SH3GLB2: variants seen among roughly 807,000 people sequenced by gnomAD.
The protein encoded by SH3GLB2 is SH3 domain containing GRB2 like, endophilin B2, also known as endophilin-B2.
A neutral mutation model predicts 48.0 loss-of-function variants in SH3GLB2; 24 were observed. That is an observed-to-expected ratio of 0.50 (90% CI 0.36 to 0.70). The LOEUF (loss-of-function observed/expected upper bound fraction) is 0.70. Among genes scored for constraint, SH3GLB2 ranks in the 30% least tolerant of loss-of-function variants. The pLI is 0.00. For missense variants in SH3GLB2, 425 were observed against 516.0 expected, an observed-to-expected ratio of 0.82 and a Z score of 1.71; for synonymous variants, 227 against 207.6, an observed-to-expected ratio of 1.09 and a Z score of -0.80.
Position 129,014,749 on chromosome 9 carries a change from G to A in SH3GLB2, c.468+22C>T, listed in dbSNP as rs17508188. On this transcript the variant is annotated intron_variant, in intron 4 of 10. Coordinates refer to ENST00000372564, the MANE Select transcript of SH3GLB2 (RefSeq NM_020145.4). This position sits in a 1 kb window ranked among gnomAD's most constrained non-coding sequence, Gnocchi z 4.1. Reference sequence around the variant, plus strand: ...GGAACTGCCATGGTTACCAGGAAGCGGAATAGTCCCAGGGCCCTCACCGAG... The same window carrying A: ...GGAACTGCCATGGTTACCAGGAAGCAGAATAGTCCCAGGGCCCTCACCGAG... 9,726 of 1,605,208 alleles carry A rather than the reference G, an allele frequency of 6.1e-3. 471 individuals carry two copies. In the African/African-American group the frequency reaches 0.11, roughly 18 times the overall value.
chr9:129,028,140 C>T lies in SH3GLB2; in HGVS notation c.15G>A (p.Met5Ile). The change falls in exon 1 of 11, where the codon ATG (methionine) becomes ATA (isoleucine). Residue 5 changes from methionine (M) to isoleucine (I), a missense_variant. Coordinates refer to ENST00000372564, the MANE Select transcript of SH3GLB2 (RefSeq NM_020145.4). MDFNMKKLASDAGIF... is the reference protein window; with the variant it reads MDFNIKKLASDAGIF... ...TGCCCGCGTCCGACGCCAGCTTCTT[C>T]ATGTTGAAGTCCATGGCGTGCCCGC... The T allele has an allele frequency of 6.7e-7, 1 of 1,494,052 alleles. No individual in the cohort carries two copies. Among genetic ancestry groups the T allele is most frequent in the Non-Finnish European group, 8.9e-7 (1 of 1,124,218 alleles). 92.5% of individuals were successfully genotyped at this position (1,494,052 alleles called of 1,614,324 possible).
At position 129,009,289 on chromosome 9, in the gene SH3GLB2, G is replaced by C. The variant is rs1334069874; in HGVS notation, c.897C>G (p.Thr299=). ...TEPASPPLSS[T]SPTTAAATMP... is the part of the protein sequence containing the mutation. ...TAGTGGCCGCAGCAGTGGTGGGTGA[G>C]GTGCTGCTCAGGGGTGGGGAGGCGG... The change falls in exon 10 of 11, where the codon ACC becomes ACG. Residue 299 remains threonine (T), a synonymous_variant. Coordinates refer to ENST00000372564, the MANE Select transcript of SH3GLB2 (RefSeq NM_020145.4). The C allele has an allele frequency of 6.4e-7, 1 of 1,556,586 alleles. No homozygotes were observed. The highest frequency in any genetic ancestry group is 1.4e-5 in the African/African-American group (1 of 73,834).
intron 5 of SH3GLB2, 37 bp from the exon 6 acceptor site, chr9:129,012,335 C>A: frequency 7.9e-7 from 1 of 1,259,726 alleles, no homozygotes. Context: ...GAGGGGGTCA[C>A]CCTGGGCCAG....
intron 1 of SH3GLB2, among the ~76,000 whole-genome samples, chr9:129,026,590 A>T (rs1844177218): frequency 7.0e-6 from 1 of 142,916 alleles, no homozygotes; most frequent in Non-Finnish European, 1.5e-5. Flanking sequence ...CTCCCACTCC[A>T]GTAACAGTGA....
In SH3GLB2 at chr9:129,013,996, C is replaced by T. The variant is rs185065433; in HGVS notation, c.561+415G>A. 101 of 464,352 alleles carry T rather than the reference C, an allele frequency of 2.2e-4. No homozygotes were observed. In the East Asian group the frequency reaches 6.5e-3, roughly 30 times the overall value. 28.8% of individuals were successfully genotyped at this position (464,352 alleles called of 1,614,324 possible). A position where few individuals can be genotyped will look rare whatever the true frequency, so the allele number is the denominator to read the frequency against. On this transcript the variant is annotated intron_variant, in intron 5 of 10. Transcript: ENST00000372564. ...CGGTCCAGCTCCCAGGTTTTCCACACCATCGTGGGGGCGCCTGAGCACAGG... is the reference window on the plus strand; with the variant it reads ...CGGTCCAGCTCCCAGGTTTTCCACATCATCGTGGGGGCGCCTGAGCACAGG...
At chr9:129,016,949 C>A (rs2131266584) in intron 3 of SH3GLB2, among the ~76,000 whole-genome samples, 1 of 142,178 alleles carries the variant, frequency 7.0e-6, no homozygotes, top group African/African-American at 2.6e-5. Flanking sequence ...GAATACTCTG[C>A]TCTTTTTTTT....
Position 129,008,774 on chromosome 9 carries a change from G to A in SH3GLB2, c.1098C>T (p.Ser366=), listed in dbSNP as rs758137584. 1 of 1,614,028 alleles carries A rather than the reference G, an allele frequency of 6.2e-7. No individual in the cohort carries two copies. The highest frequency in any genetic ancestry group is 8.5e-7 in the Non-Finnish European group (1 of 1,179,972). ...GCCAGTCAGGGTCCATGCCAGGCAG[G>A]CTGTAGACAGTGATGAGCTGCAGAG... ...LLADELITVY[S]LPGMDPDWLI... The change falls in exon 11 of 11, where the codon AGC becomes AGT. Residue 366 remains serine, a synonymous_variant. Transcript: ENST00000372564.
chr9:129,015,866 T>C, intron 3 of SH3GLB2: 1 of 337,276 alleles, frequency 3.0e-6, no homozygotes, highest in Non-Finnish European at 6.0e-6. Context: ...AGATCCTGTC[T>C]TTAAAAAAAA....
At chr9:129,022,195 C>G (rs1221300082) in intron 2 of SH3GLB2, 87 bp downstream of exon 2, 1 of 1,546,064 alleles carries the variant, frequency 6.5e-7, no homozygotes, top group Non-Finnish European at 8.7e-7. Flanking sequence ...CAGCCCCGCC[C>G]CACCTATGCC....
At chr9:129,023,386 G>A (rs1207914159) in intron 1 of SH3GLB2, among the ~76,000 whole-genome samples, 1 of 152,146 alleles carries the variant, frequency 6.6e-6, no homozygotes, top group East Asian at 1.9e-4. Flanking sequence ...AGAGGGCCCT[G>A]GAACACATGT....
intron 1 of SH3GLB2, among the ~76,000 whole-genome samples, chr9:129,026,177 G>C (rs1465742533): frequency 2.0e-5 from 3 of 152,170 alleles, no homozygotes; most frequent in African/African-American, 7.2e-5. Context: ...CTGCCCTCTG[G>C]ATCCTCATCT....
At position 129,008,809 on chromosome 9, in the gene SH3GLB2, G is replaced by C. The variant is rs1470427960; in HGVS notation, c.1081-18C>G. 5 of 1,610,250 alleles carry C rather than the reference G, an allele frequency of 3.1e-6. No homozygotes were observed. Among genetic ancestry groups the C allele is most frequent in the Non-Finnish European group, 4.2e-6 (5 of 1,177,056 alleles). ...GTGATGAGCTGCAGAGATGGCAGTA[G>C]AGGACGGTCATGGCCTGGCCAAGGG... is the stretch of plus-strand genomic sequence containing the variant. On this transcript the variant is annotated intron_variant, in intron 10 of 10. Transcript: ENST00000372564.
At chr9:129,013,181 G>A (rs556282175) in intron 5 of SH3GLB2, 9 of 717,090 alleles carry the variant, frequency 1.3e-5, no homozygotes, top group African/African-American at 1.0e-4. Flanking sequence ...GAGTCCTAAC[G>A]TGTGCGTGCT....
At position 129,009,860 on chromosome 9, in the gene SH3GLB2, C is replaced by T. The variant is rs545034390; in HGVS notation, c.750G>A (p.Leu250=). The change falls in exon 9 of 11, where the codon CTG becomes CTA. Residue 250 remains leucine (L), a synonymous_variant. Coordinates refer to ENST00000372564, the MANE Select transcript of SH3GLB2 (RefSeq NM_020145.4). The part of the protein sequence containing the change: ...EGISSTHVNH[L]RCLHEFVKSQ... ...ACTTGACGAACTCGTGGAGGCAGCG[C>T]AGGTGGTTCACCTGCGGGGAAGAGG... is the stretch of plus-strand genomic sequence containing the variant. 60 of 1,613,718 alleles carry T rather than the reference C, an allele frequency of 3.7e-5. No homozygotes were observed. In the Admixed American group the frequency reaches 9.5e-4, roughly 26 times the overall value.
intron 3 of SH3GLB2, among the ~76,000 whole-genome samples, chr9:129,017,003 A>G (rs1242378275): frequency 7.2e-6 from 1 of 139,062 alleles, no homozygotes; most frequent in East Asian, 2.1e-4. Context: ...GCTGGAGTGC[A>G]GTGGCGCGCT....
Position 129,011,033 on chromosome 9 carries a change from G to C in SH3GLB2, c.625-340C>G, listed in dbSNP as rs939411442. 8.1e-6 allele frequency: 3 copies of C among 368,100 alleles called. No individual in the cohort carries two copies. The highest frequency in any genetic ancestry group is 1.5e-5 in the Non-Finnish European group (3 of 200,718). The allele number at this position is 368,100 out of a possible 1,614,324, so 22.8% of individuals were successfully genotyped here. Reference sequence around the variant, plus strand: ...CTGCTGGCTCAGGCTGCTGGGCTGGGCGGCAGAACTGTGTGACCCTGGGCC... The same window carrying C: ...CTGCTGGCTCAGGCTGCTGGGCTGGCCGGCAGAACTGTGTGACCCTGGGCC... On this transcript the variant is annotated intron_variant, in intron 6 of 10. Transcript: ENST00000372564. The surrounding 1 kb of genome is among the most constrained non-coding windows in gnomAD (Gnocchi z 4.5).
chr9:129,017,907 A>C (rs1485666329), intron 3 of SH3GLB2, among the ~76,000 whole-genome samples: 3 of 151,236 alleles, frequency 2.0e-5, no homozygotes, highest in African/African-American at 4.9e-5. Context: ...CAAACAAAAA[A>C]AAAAAAAAAA....
chr9:129,021,124 C>A lies in SH3GLB2; in HGVS notation c.301G>T (p.Ala101Ser). The change falls in exon 3 of 11, where the codon GCG becomes TCG. Residue 101 changes from alanine to serine, a missense_variant. Transcript: ENST00000372564. ...GTGGTCGGCCCCAGCTCACTGGCCG[C>A]GTCTGCCATGTACTGAGCCAGCAGC... ...GELLAQYMAD[A>S]ASELGPTTPY... 1 of 1,611,324 alleles carries A rather than the reference C, an allele frequency of 6.2e-7. No individual in the cohort carries two copies. Among genetic ancestry groups the A allele is most frequent in the Non-Finnish European group, 8.5e-7 (1 of 1,179,032 alleles).
At chr9:129,012,429 A>T (rs921867854) in intron 5 of SH3GLB2, 131 bp from the exon 6 acceptor site, 4 of 472,094 alleles carry the variant, frequency 8.5e-6, no homozygotes, top group South Asian at 9.5e-5. Context: ...GGGGATACAA[A>T]CACAACACAA....
Sources: gnomAD v4.1 joint callset for allele counts (sites outside exome capture counted in the v4.1 genomes callset) on GRCh38, gnomAD v4.1.1 for gene constraint, Gnocchi (gnomAD v3.1) non-coding constraint, MANE v1.5 for transcripts, NCBI Gene and HGNC (gene_info 2026-07-23, HGNC 2026-07-21) for gene names.